Variants in TASP1 observed in about 807,000 individuals in gnomAD.
TASP1 encodes the protein threonine aspartase 1.
Under a neutral mutation model 56.6 loss-of-function variants are expected in TASP1, and 16 were observed. That is an observed-to-expected ratio of 0.28 (90% CI 0.19 to 0.43). The LOEUF (loss-of-function observed/expected upper bound fraction) is 0.43, where lower values mean the gene tolerates loss of function less well. Ranked by LOEUF, TASP1 falls within the 20% of genes least tolerant of loss-of-function variation. TASP1 has a pLI of 1.00. For synonymous variants in TASP1, 179 were observed against 184.2 expected (o/e 0.97, Z 0.23); for missense variants, 393 against 511.6 (o/e 0.77, Z 2.24).
At chr20:13,553,349 T>C (rs1468678335) in intron 8 of TASP1, among the ~76,000 whole-genome samples, 1 of 152,158 alleles carries the variant, frequency 6.6e-6, no homozygotes, top group Non-Finnish European at 1.5e-5. Context: ...GGTCACTTTA[T>C]GGTCCAGCCC....
chr20:13,447,235 T>C (rs2043444335), intron 11 of TASP1, among the ~76,000 whole-genome samples: 1 of 152,184 alleles, frequency 6.6e-6, no homozygotes, highest in South Asian at 2.1e-4. Flanking sequence ...ACTAATCTGA[T>C]ACATGAAAAA....
intron 11 of TASP1, among the ~76,000 whole-genome samples, chr20:13,439,788 T>C (rs907011924): frequency 3.3e-5 from 5 of 150,518 alleles, no homozygotes; most frequent in Non-Finnish European, 1.5e-5. Flanking sequence ...TATAAGAAAA[T>C]CATAAAGCTA....
chr20:13,500,384 A>G (rs6042178), intron 10 of TASP1, among the ~76,000 whole-genome samples: 1,636 of 150,058 alleles, frequency 0.011, 38 homozygotes, highest in African/African-American at 0.037. Context: ...TGTTTAGTAT[A>G]CAATCAATAA....
the TASP1 span, among the ~76,000 whole-genome samples, chr20:13,360,911 C>T: frequency 6.6e-6 from 1 of 152,162 alleles, no homozygotes; most frequent in African/African-American, 2.4e-5. Flanking sequence ...TGTTCCTCAC[C>T]CAGATCACGC....
intron 4 of TASP1, among the ~76,000 whole-genome samples, chr20:13,599,507 T>A (rs989471045): frequency 6.6e-6 from 1 of 151,998 alleles, no homozygotes; most frequent in African/African-American, 2.4e-5. Context: ...GCGGAGAACA[T>A]CACACACCAG....
At chr20:13,434,196 A>G (rs2042925485) in intron 12 of TASP1, among the ~76,000 whole-genome samples, 1 of 152,110 alleles carries the variant, frequency 6.6e-6, no homozygotes, top group African/African-American at 2.4e-5. Context: ...ACTTTGTGAT[A>G]ATTCATCAAG....
At chr20:13,114,190 T>A in the TASP1 span, among the ~76,000 whole-genome samples, 1 of 152,234 alleles carries the variant, frequency 6.6e-6, no homozygotes, top group Non-Finnish European at 1.5e-5. Flanking sequence ...CTCAGTTTCT[T>A]CATCTGTAAC....
At chr20:13,115,697 C>T in the TASP1 span, among the ~76,000 whole-genome samples, 1 of 152,166 alleles carries the variant, frequency 6.6e-6, no homozygotes, top group East Asian at 1.9e-4. Flanking sequence ...AGGGCTCCCA[C>T]TTTCCCAAGT....
chr20:13,419,814 C>A (rs1439724065), intron 12 of TASP1, among the ~76,000 whole-genome samples: 1 of 152,118 alleles, frequency 6.6e-6, no homozygotes, highest in African/African-American at 2.4e-5. Flanking sequence ...AGTTATCAAA[C>A]CTGCCAACCT....
chr20:13,564,689 T>C (rs1012316507), intron 7 of TASP1, among the ~76,000 whole-genome samples: 1 of 151,954 alleles, frequency 6.6e-6, no homozygotes, highest in African/African-American at 2.4e-5. Flanking sequence ...CAAAACTTAC[T>C]GCAAAGCTAC....
the TASP1 span, among the ~76,000 whole-genome samples, chr20:13,283,495 T>G: frequency 5.9e-5 from 9 of 152,172 alleles, no homozygotes; most frequent in Non-Finnish European, 1.3e-4. Flanking sequence ...CTAGGTGAAA[T>G]ACATGTAGGA....
intron 4 of TASP1, among the ~76,000 whole-genome samples, chr20:13,593,625 G>T (rs143143462): frequency 3.0e-3 from 460 of 152,314 alleles, no homozygotes; most frequent in African/African-American, 0.011. Context: ...AGATCAACCT[G>T]CGAGGCTGCA....
At chr20:13,629,810 G>T in intron 2 of TASP1, 124 bp downstream of exon 2, 1 of 1,416,102 alleles carries the variant, frequency 7.1e-7, no homozygotes, top group Non-Finnish European at 9.8e-7. Flanking sequence ...CAATCGCTTT[G>T]CTTCCAATTC....
chr20:13,596,782 C>A (rs1407884662), intron 4 of TASP1, among the ~76,000 whole-genome samples: 5 of 152,008 alleles, frequency 3.3e-5, no homozygotes, highest in African/African-American at 1.2e-4. Flanking sequence ...AGATAGACTG[C>A]TAGCAACACT....
the TASP1 span, chr20:13,221,765 C>G: frequency 1.4e-6 from 2 of 1,430,788 alleles, no homozygotes; most frequent in African/African-American, 1.5e-5. Context: ...TAAAGCCGCG[C>G]GTCTCAAAAG....
intron 1 of TASP1, among the ~76,000 whole-genome samples, chr20:13,631,115 A>C (rs1305199540): frequency 2.0e-5 from 3 of 152,184 alleles, no homozygotes; most frequent in African/African-American, 4.8e-5. Context: ...TATAACAGAG[A>C]TAGTCTGACA....
At chr20:13,270,725 G>A in the TASP1 span, 1 of 1,613,728 alleles carries the variant, frequency 6.2e-7, no homozygotes, top group Non-Finnish European at 8.5e-7. Context: ...ATATCAATGG[G>A]CAGAATCCAA....
chr20:13,183,070 C>A, the TASP1 span, among the ~76,000 whole-genome samples: 2 of 152,192 alleles, frequency 1.3e-5, no homozygotes, highest in African/African-American at 2.4e-5. Flanking sequence ...TTGCTTCAGT[C>A]CATAGGACAA....
At chr20:13,598,852 C>T (rs951622531) in intron 4 of TASP1, among the ~76,000 whole-genome samples, 4 of 151,976 alleles carry the variant, frequency 2.6e-5, no homozygotes, top group African/African-American at 9.7e-5. Context: ...AAAACCCCAT[C>T]AAAAAGTAGG....
Sources: gnomAD v4.1 joint callset for allele counts (sites outside exome capture counted in the v4.1 genomes callset) on GRCh38, gnomAD v4.1.1 for gene constraint, MANE v1.5 for transcripts, NCBI Gene and HGNC (gene_info 2026-07-23, HGNC 2026-07-21) for gene names.